The following KNTC1 variants were observed in gnomAD, a reference collection of about 807,000 sequenced individuals.
KNTC1 encodes the protein kinetochore associated 1.
In KNTC1, 253 loss-of-function variants were observed where a neutral mutation model predicts 314.4. The observed-to-expected ratio is 0.80, with a 90% CI of 0.73 to 0.89. The LOEUF (loss-of-function observed/expected upper bound fraction) is 0.89. Ranked by LOEUF, KNTC1 falls within the 40% of genes least tolerant of loss-of-function variation. KNTC1 has a pLI of 0.00. For synonymous variants in KNTC1, 901 were observed against 901.4 expected (o/e 1.00, Z 0.01); for missense variants, 2,475 against 2,572.9 (o/e 0.96, Z 0.82).
chr12:122,614,005 A>G (rs1471480872), intron 55 of KNTC1, among the ~76,000 whole-genome samples: 1 of 151,952 alleles, frequency 6.6e-6, no homozygotes, highest in African/African-American at 2.4e-5. Context: ...TAATTTTTGT[A>G]TTTTTAGTAG....
Position 122,580,591 on chromosome 12 carries a change from A to C in KNTC1, c.2915-12A>C. 6.6e-7 allele frequency: 1 copy of C among 1,517,262 alleles called. No homozygotes were observed. Among genetic ancestry groups the C allele is most frequent in the Non-Finnish European group, 8.9e-7 (1 of 1,118,652 alleles). The allele number at this position is 1,517,262 out of a possible 1,614,324, so 94.0% of individuals were successfully genotyped here. A position where few individuals can be genotyped will look rare whatever the true frequency, so the allele number is the denominator to read the frequency against. On this transcript the variant is annotated splice_polypyrimidine_tract_variant and intron_variant, in intron 32 of 63. Coordinates refer to ENST00000333479, the MANE Select transcript of KNTC1 (RefSeq NM_014708.6). ...TGCATGTCTGCTATAACTTTTAAAA[A>C]TTTAATTACAGACAATCTGCAGAAG...
chr12:122,592,189 A>C (rs569320370), intron 42 of KNTC1, among the ~76,000 whole-genome samples: 161 of 152,300 alleles, frequency 1.1e-3, no homozygotes, highest in Non-Finnish European at 1.6e-3. Context: ...CGGAGGGTGT[A>C]CTGGGTCCCC....
At position 122,582,762 on chromosome 12, in the gene KNTC1, G is replaced by GA; in HGVS notation, c.3041dup (p.Asp1014GlufsTer4). The GA allele has an allele frequency of 6.2e-7, 1 of 1,612,564 alleles. No homozygotes were observed. The highest frequency in any genetic ancestry group is 1.1e-5 in the South Asian group (1 of 90,894). On this transcript the variant is annotated frameshift_variant, in exon 34 of 64. Coordinates refer to ENST00000333479, the MANE Select transcript of KNTC1 (RefSeq NM_014708.6). LOFTEE classifies it high-confidence loss of function. ...TTATAGCAATAGTTCCCTGGTAGCA[G>GA]ATCTCCGTGAGCAGCACATTAAAGC...
chr12:122,554,191 A>T (rs188125781), intron 16 of KNTC1, among the ~76,000 whole-genome samples: 1 of 149,290 alleles, frequency 6.7e-6, no homozygotes, highest in Admixed American at 6.7e-5. Context: ...TTAGCCTCCC[A>T]AGGTGCTGGG....
intron 2 of KNTC1, among the ~76,000 whole-genome samples, chr12:122,532,500 C>T (rs1028039511): frequency 2.0e-5 from 3 of 152,062 alleles, no homozygotes; most frequent in Non-Finnish European, 4.4e-5. Context: ...AATCACTGTG[C>T]CCGGGCTTTA....
At chr12:122,622,660 C>T (rs1268047414) in intron 62 of KNTC1, 53 bp downstream of exon 62, 24 of 1,411,680 alleles carry the variant, frequency 1.7e-5, no homozygotes, top group Middle Eastern at 2.1e-4. Context: ...TAAAATCTAT[C>T]TTTATAAGCT....
Position 122,613,161 on chromosome 12 carries a change from A to G in KNTC1, c.5672A>G (p.Gln1891Arg), listed in dbSNP as rs1371853741. ...LTFAHRTRAL[Q>R]CLFYLADKET... Reference sequence around the variant, plus strand: ...TTTGCCCATAGAACTCGAGCTCTTCAGTGTCTCTTCTATTTGGCTGACAAG... The same window carrying G: ...TTTGCCCATAGAACTCGAGCTCTTCGGTGTCTCTTCTATTTGGCTGACAAG... Residue 1891 changes from glutamine to arginine, a missense_variant, in exon 54 of 64, where the codon CAG (glutamine) becomes CGG (arginine). By Grantham distance (43) the Gln-to-Arg change is conservative. Coordinates refer to ENST00000333479, the MANE Select transcript of KNTC1 (RefSeq NM_014708.6). The G allele has an allele frequency of 3.7e-6, 6 of 1,613,630 alleles. No homozygotes were observed. Among genetic ancestry groups the G allele is most frequent in the Non-Finnish European group, 5.1e-6 (6 of 1,179,702 alleles).
chr12:122,581,231 T>A (rs960682421), intron 33 of KNTC1, among the ~76,000 whole-genome samples: 2 of 149,604 alleles, frequency 1.3e-5, no homozygotes, highest in Non-Finnish European at 3.0e-5. Flanking sequence ...GGAGTTTTGC[T>A]CTTGTTGCCC....
At chr12:122,542,273 A>G (rs1284445901) in intron 6 of KNTC1, 146 bp downstream of exon 6, 19 of 568,826 alleles carry the variant, frequency 3.3e-5, no homozygotes, top group Non-Finnish European at 5.3e-5. Flanking sequence ...TTAAGTATTC[A>G]GAATACAGTT....
At chr12:122,565,863 T>C (rs1205940757) in intron 20 of KNTC1, among the ~76,000 whole-genome samples, 1 of 152,032 alleles carries the variant, frequency 6.6e-6, no homozygotes, top group Non-Finnish European at 1.5e-5. Flanking sequence ...CCAGCCTGGG[T>C]GACACAGTGA....
intron 12 of KNTC1, among the ~76,000 whole-genome samples, chr12:122,548,671 A>C (rs1962966483): frequency 6.6e-6 from 1 of 152,142 alleles, no homozygotes; most frequent in Non-Finnish European, 1.5e-5. Context: ...GTAACATTTA[A>C]ATCATATAGT....
At chr12:122,576,122 C>T (rs571374693) in intron 29 of KNTC1, among the ~76,000 whole-genome samples, 7 of 152,208 alleles carry the variant, frequency 4.6e-5, no homozygotes, top group South Asian at 2.1e-4. Context: ...TGCAATGGCG[C>T]GATCTCGGCT....
rs1593707273 is a variant in KNTC1, at chr12:122,626,332, A to G, written c.*104A>G. The G allele has an allele frequency of 2.5e-6, 2 of 792,002 alleles. No individual in the cohort carries two copies. Among genetic ancestry groups the G allele is most frequent in the East Asian group, 2.7e-5 (1 of 37,670 alleles). The allele number at this position is 792,002 out of a possible 1,614,324, so 49.1% of individuals were successfully genotyped here. On this transcript the variant is annotated 3_prime_UTR_variant, in exon 64 of 64. Transcript: ENST00000333479. ...ATTGTACAATCTCTGTATTATAGCTATTTGTCTAACATTACCCCACATGTA... is the reference window on the plus strand; with the variant it reads ...ATTGTACAATCTCTGTATTATAGCTGTTTGTCTAACATTACCCCACATGTA...
chr12:122,620,254 G>T, intron 59 of KNTC1: 1 of 290,748 alleles, frequency 3.4e-6, no homozygotes, highest in Non-Finnish European at 6.4e-6. Context: ...ACATAATCAT[G>T]ATAGCAAACA....
At position 122,579,931 on chromosome 12, in the gene KNTC1, G is replaced by A. The variant is rs187492450; in HGVS notation, c.2868G>A (p.Ala956=). 45 of 1,610,906 alleles carry A rather than the reference G, an allele frequency of 2.8e-5. 2 individuals are homozygous for A. The Middle Eastern group carries it at 4.9e-4, about 18-fold the overall frequency. Residue 956 remains alanine, a synonymous_variant, in exon 32 of 64, where the codon GCG becomes GCA. Transcript: ENST00000333479. Reference sequence around the variant, plus strand: ...GCAAGGCCTGGAGAATGTCTGTAGCGAAGACATCCGTGGACATTCTTAAGA... The same window carrying A: ...GCAAGGCCTGGAGAATGTCTGTAGCAAAGACATCCGTGGACATTCTTAAGA... The part of the protein sequence containing the change: ...KEGKAWRMSV[A]KTSVDILKIL...
intron 59 of KNTC1, chr12:122,619,950 C>G (rs1235394402): frequency 2.0e-5 from 3 of 152,170 alleles, no homozygotes; most frequent in Middle Eastern, 3.4e-3. Context: ...GAGTGGATCA[C>G]TTGAGGTCAG....
chr12:122,587,595 A>G, intron 38 of KNTC1, 116 bp from the exon 39 acceptor site: 1 of 728,154 alleles, frequency 1.4e-6, no homozygotes, highest in Admixed American at 3.4e-5. Flanking sequence ...CTGAGAACAA[A>G]CTCCATGACT....
At chr12:122,529,208 A>G (rs1400913255) in intron 1 of KNTC1, among the ~76,000 whole-genome samples, 1 of 152,188 alleles carries the variant, frequency 6.6e-6, no homozygotes, top group African/African-American at 2.4e-5. Flanking sequence ...TGATCACCCA[A>G]GGACAGCTGC....
chr12:122,577,554 C>A, intron 30 of KNTC1, 118 bp from the exon 31 acceptor site: 5 of 1,005,594 alleles, frequency 5.0e-6, no homozygotes, highest in Admixed American at 3.2e-5. Context: ...AACATTGAAC[C>A]ATAATCTGTT....
Sources: allele counts gnomAD v4.1 joint callset (sites outside exome capture counted in the v4.1 genomes callset), GRCh38; gene constraint gnomAD v4.1.1; transcripts MANE v1.5; gene names NCBI Gene and HGNC (gene_info 2026-07-23, HGNC 2026-07-21).